Variants in SORCS2 observed in about 807,000 individuals in gnomAD.
SORCS2 encodes the protein VPS10 domain-containing receptor SorCS2.
Under a neutral mutation model 141.6 loss-of-function variants are expected in SORCS2, and 100 were observed. That is an observed-to-expected ratio of 0.71 (90% confidence interval 0.60 to 0.83). The LOEUF (loss-of-function observed/expected upper bound fraction) is 0.83, where lower values mean the gene tolerates loss of function less well. SORCS2 is among the 40% of genes least tolerant of loss of function. The pLI, the probability that SORCS2 is intolerant of heterozygous loss-of-function variation, is 0.00. For missense variants in SORCS2, 1,646 were observed against 1,560.2 expected, an observed-to-expected ratio of 1.05 and a Z score of -0.93; for synonymous variants, 789 against 676.9, an observed-to-expected ratio of 1.17 and a Z score of -2.57.
Position 7,729,722 on chromosome 4 carries a change from G to C in SORCS2, c.3108+10G>C. ...CCTCTCGAGTGATAAGGTATGTCCT[G>C]TGGCCGCTGCACTCCCAGGTCCTCC... is the stretch of plus-strand genomic sequence containing the variant. On this transcript the variant is annotated intron_variant, in intron 23 of 26. Coordinates refer to ENST00000507866, the MANE Select transcript of SORCS2 (RefSeq NM_020777.3). The C allele has an allele frequency of 6.2e-7, 1 of 1,608,130 alleles. No homozygotes were observed. Among genetic ancestry groups the C allele is most frequent in the Non-Finnish European group, 8.5e-7 (1 of 1,176,752 alleles).
chr4:7,507,709 G>C (rs1732357521), intron 2 of SORCS2, among the ~76,000 whole-genome samples: 1 of 150,636 alleles, frequency 6.6e-6, no homozygotes, highest in African/African-American at 2.4e-5. Context: ...TTTCCAATCA[G>C]TGGGGAAAAA....
intron 2 of SORCS2, among the ~76,000 whole-genome samples, chr4:7,399,446 C>T (rs879790112): frequency 2.6e-5 from 4 of 152,142 alleles, no homozygotes; most frequent in Admixed American, 2.6e-4. Context: ...TGGCTCGAAG[C>T]TGAATGTGTT....
At chr4:7,239,013 C>A (rs182518680) in intron 1 of SORCS2, among the ~76,000 whole-genome samples, 1 of 152,364 alleles carries the variant, frequency 6.6e-6, no homozygotes, top group East Asian at 1.9e-4. Flanking sequence ...GCCCACGTCC[C>A]TGTGGAGTTC....
At chr4:7,724,387 T>C (rs1433002583) in intron 19 of SORCS2, among the ~76,000 whole-genome samples, 1 of 131,752 alleles carries the variant, frequency 7.6e-6, no homozygotes, top group Admixed American at 7.5e-5. Context: ...GGTGATAGGG[T>C]GTTGGTGATG....
chr4:7,724,154 G>GTGGTGA (rs1560113043), intron 19 of SORCS2, among the ~76,000 whole-genome samples: 3 of 147,580 alleles, frequency 2.0e-5, no homozygotes, highest in Admixed American at 6.8e-5. Context: ...GGTCGTGGTG[G>GTGGTGA]TGGTGGTGAT....
At chr4:7,224,642 T>C (rs911386361) in intron 1 of SORCS2, among the ~76,000 whole-genome samples, 1 of 152,162 alleles carries the variant, frequency 6.6e-6, no homozygotes, top group Non-Finnish European at 1.5e-5. Flanking sequence ...TCATGAGAAC[T>C]CCATCCCCGT....
intron 6 of SORCS2, among the ~76,000 whole-genome samples, chr4:7,661,785 C>T (rs918009027): frequency 3.3e-5 from 5 of 152,152 alleles, no homozygotes; most frequent in Admixed American, 6.5e-5. Context: ...ATTAAGGGGG[C>T]GATTTGTTCT....
At chr4:7,390,167 G>A (rs1560244665) in intron 1 of SORCS2, among the ~76,000 whole-genome samples, 1 of 152,128 alleles carries the variant, frequency 6.6e-6, no homozygotes, top group Non-Finnish European at 1.5e-5. Flanking sequence ...CTTTTTCAAT[G>A]GGGTATTGAT....
At chr4:7,281,373 GT>G (rs1041628165) in intron 1 of SORCS2, among the ~76,000 whole-genome samples, 2 of 152,134 alleles carry the variant, frequency 1.3e-5, no homozygotes, top group African/African-American at 4.8e-5. Flanking sequence ...CATTCGGGGT[GT>G]CCCCTCCTCC....
intron 1 of SORCS2, among the ~76,000 whole-genome samples, chr4:7,317,517 C>G (rs1387690189): frequency 6.6e-6 from 1 of 152,222 alleles, no homozygotes; most frequent in African/African-American, 2.4e-5. Flanking sequence ...GCTCCTGAGC[C>G]CAGGTGGCCA....
At chr4:7,718,227 G>C in intron 18 of SORCS2, 44 bp downstream of exon 18, 1 of 1,583,176 alleles carries the variant, frequency 6.3e-7, no homozygotes, top group Non-Finnish European at 8.5e-7. Context: ...TGTCGGGCAG[G>C]GGCGGCTCCA....
intron 4 of SORCS2, among the ~76,000 whole-genome samples, chr4:7,650,518 C>T (rs1054242617): frequency 1.3e-5 from 2 of 152,226 alleles, no homozygotes; most frequent in African/African-American, 2.4e-5. Context: ...CTGCTGTGCA[C>T]GGTGGGCGCT....
chr4:7,550,925 C>T (rs1713650305), intron 3 of SORCS2, among the ~76,000 whole-genome samples: 1 of 152,202 alleles, frequency 6.6e-6, no homozygotes, highest in Non-Finnish European at 1.5e-5. Context: ...GGCTGTGAAC[C>T]AGCTGAGCTT....
intron 1 of SORCS2, among the ~76,000 whole-genome samples, chr4:7,296,223 C>T (rs1717041066): frequency 6.6e-6 from 1 of 152,228 alleles, no homozygotes; most frequent in Non-Finnish European, 1.5e-5. Context: ...CATGAAAACA[C>T]CCGGAACCCC....
intron 2 of SORCS2, among the ~76,000 whole-genome samples, chr4:7,512,009 C>T (rs909538648): frequency 1.2e-4 from 19 of 152,328 alleles, no homozygotes; most frequent in Middle Eastern, 3.4e-3. Flanking sequence ...GTGTGGACAC[C>T]GCAGGTCTGT....
chr4:7,243,364 C>G (rs1267331330), intron 1 of SORCS2, among the ~76,000 whole-genome samples: 3 of 152,072 alleles, frequency 2.0e-5, no homozygotes, highest in Non-Finnish European at 2.9e-5. Context: ...GTGATTTGTC[C>G]CCTGCGTGAT....
At chr4:7,234,564 G>A (rs1413993674) in intron 1 of SORCS2, among the ~76,000 whole-genome samples, 4 of 152,198 alleles carry the variant, frequency 2.6e-5, no homozygotes, top group Admixed American at 6.5e-5. Context: ...TGATGCTCTC[G>A]CCCTTGGGTC....
At chr4:7,692,129 C>T (rs1577079855) in intron 11 of SORCS2, among the ~76,000 whole-genome samples, 1 of 152,222 alleles carries the variant, frequency 6.6e-6, no homozygotes, top group African/African-American at 2.4e-5. Context: ...TGTTTCCAGC[C>T]TCCTCTCCAG....
chr4:7,524,833 G>A (rs879853118), intron 2 of SORCS2, among the ~76,000 whole-genome samples: 5 of 150,040 alleles, frequency 3.3e-5, no homozygotes, highest in South Asian at 2.2e-4. Context: ...TTCTAACCAC[G>A]ATCCAAGAGT....
Sources: gnomAD v4.1 joint callset for allele counts (sites outside exome capture counted in the v4.1 genomes callset) on GRCh38, gnomAD v4.1.1 for gene constraint, MANE v1.5 for transcripts, NCBI Gene and HGNC (gene_info 2026-07-23, HGNC 2026-07-21) for gene names.